LRRC7: variants seen among roughly 807,000 people sequenced by gnomAD.
LRRC7 encodes the protein leucine-rich repeat-containing protein 7.
Under a neutral mutation model 175.7 loss-of-function variants are expected in LRRC7, and 23 were observed. The ratio of observed to expected loss-of-function variants is 0.13; its 90% CI spans 0.09 to 0.19. The LOEUF (loss-of-function observed/expected upper bound fraction) is 0.19. Among genes scored for constraint, LRRC7 ranks in the 10% least tolerant of loss-of-function variants. The pLI is 1.00. For missense variants in LRRC7, 1,354 were observed against 1,904.7 expected (o/e 0.71, Z 5.38); for synonymous variants, 685 against 680.9 (o/e 1.01, Z -0.09).
At chr1:69,742,415 G>A (rs1668812402) in intron 2 of LRRC7, among the ~76,000 whole-genome samples, 2 of 151,650 alleles carry the variant, frequency 1.3e-5, no homozygotes, top group Admixed American at 1.3e-4. Context: ...AATTTTAGTG[G>A]CAAACATTTT....
chr1:69,676,391 A>G (rs1659777981), intron 1 of LRRC7, among the ~76,000 whole-genome samples: 1 of 152,124 alleles, frequency 6.6e-6, no homozygotes, highest in African/African-American at 2.4e-5. Context: ...GAGGATAATC[A>G]TATAGATATT....
At chr1:69,816,641 T>C (rs1678633906) in intron 4 of LRRC7, among the ~76,000 whole-genome samples, 1 of 152,208 alleles carries the variant, frequency 6.6e-6, no homozygotes, top group African/African-American at 2.4e-5. Flanking sequence ...AGAATGTAAA[T>C]ATTTAACTTC....
intron 8 of LRRC7, among the ~76,000 whole-genome samples, chr1:69,970,495 G>A (rs931194880): frequency 6.6e-6 from 1 of 152,072 alleles, no homozygotes; most frequent in Non-Finnish European, 1.5e-5. Flanking sequence ...AGGCTAATAC[G>A]AATGACTTTA....
rs75151782 is a variant in LRRC7 at position 69,945,088 on chromosome 1, C to T, written c.711+13518C>T. On this transcript the variant is annotated intron_variant, in intron 8 of 26. Transcript: ENST00000651989. ...TCCAAAGAGTCTTTGCCAAGAACAA[C>T]GCCAAGAAACTTTTTTCTGTATTTT... is the stretch of plus-strand genomic sequence containing the variant. Among the ~76,000 whole-genome samples the T allele has an allele frequency of 8.4e-3, 1,284 of 152,140 alleles. 14 individuals carry two copies. The highest frequency in any genetic ancestry group is 0.027 in the African/African-American group (1,133 of 41,542).
At chr1:69,692,252 C>T (rs1661982287) in intron 2 of LRRC7, among the ~76,000 whole-genome samples, 1 of 152,092 alleles carries the variant, frequency 6.6e-6, no homozygotes, top group South Asian at 2.1e-4. Flanking sequence ...GCTACTTATG[C>T]CCAGTTCTCC....
intron 2 of LRRC7, among the ~76,000 whole-genome samples, chr1:69,690,282 G>A (rs751325155): frequency 1.2e-4 from 19 of 152,148 alleles, no homozygotes; most frequent in Admixed American, 2.6e-4. Context: ...AAATGCAAAT[G>A]TCTCTGAGGA....
chr1:70,039,097 A>G lies in LRRC7; in HGVS notation c.3273A>G (p.Gln1091=), dbSNP rs1571133809. The G allele has an allele frequency of 6.2e-7, 1 of 1,614,150 alleles. No homozygotes were observed. Among genetic ancestry groups the G allele is most frequent in the Non-Finnish European group, 8.5e-7 (1 of 1,180,014 alleles). The change falls in exon 21 of 27, where the codon CAA becomes CAG. Residue 1091 remains glutamine, a synonymous_variant. Coordinates refer to ENST00000651989, the MANE Select transcript of LRRC7 (RefSeq NM_001370785.2). ...AAAAGAGGATACCACCCCCTTTTCA[A>G]CACAATCCCGAGTACGTGCAACAGG... ...KAEKRIPPPF[Q]HNPEYVQQAS...
At chr1:69,741,408 A>G (rs888317991) in intron 2 of LRRC7, among the ~76,000 whole-genome samples, 4 of 151,856 alleles carry the variant, frequency 2.6e-5, no homozygotes, top group African/African-American at 9.7e-5. Flanking sequence ...GGTGACATGT[A>G]ATCTAAGACG....
At chr1:69,990,117 A>G (rs924447562) in intron 10 of LRRC7, among the ~76,000 whole-genome samples, 1 of 152,084 alleles carries the variant, frequency 6.6e-6, no homozygotes, top group Non-Finnish European at 1.5e-5. Context: ...CTTTACTCAG[A>G]AAACAAAAAC....
chr1:69,712,675 A>C (rs1348799738), intron 2 of LRRC7, among the ~76,000 whole-genome samples: 1 of 152,192 alleles, frequency 6.6e-6, no homozygotes, highest in Non-Finnish European at 1.5e-5. Context: ...TATAACAAAA[A>C]GTTATTTTTA....
chr1:69,770,408 G>T lies in LRRC7; in HGVS notation c.303+10015G>T, dbSNP rs535526726. ...AGGACACTTATTTATTTTGTGTGAG[G>T]TCTAATGAGATCAAAGGAGCCATGG... is the stretch of plus-strand genomic sequence containing the variant. On this transcript the variant is annotated intron_variant, in intron 3 of 26. Coordinates refer to ENST00000651989, the MANE Select transcript of LRRC7 (RefSeq NM_001370785.2). Among the ~76,000 whole-genome samples, 4 of 152,170 alleles carry T rather than the reference G, an allele frequency of 2.6e-5. No individual in the cohort carries two copies. The South Asian group carries it at 6.2e-4, about 24-fold the overall frequency.
chr1:69,992,739 A>C (rs1451722365), intron 10 of LRRC7, among the ~76,000 whole-genome samples: 1 of 152,170 alleles, frequency 6.6e-6, no homozygotes, highest in African/African-American at 2.4e-5. Flanking sequence ...AAAAAGATGC[A>C]CTTAACAAAA....
At chr1:69,702,801 A>G (rs2100702040) in intron 2 of LRRC7, among the ~76,000 whole-genome samples, 1 of 152,254 alleles carries the variant, frequency 6.6e-6, no homozygotes. Context: ...AATATATTTG[A>G]TGAGATGTGA....
chr1:70,005,026 T>C (rs941756857), intron 11 of LRRC7, among the ~76,000 whole-genome samples: 11 of 144,744 alleles, frequency 7.6e-5, no homozygotes, highest in African/African-American at 2.4e-4. Flanking sequence ...TCAAGATTCG[T>C]TTTTTTTTTT....
At chr1:70,075,420 G>T (rs144609293) in intron 23 of LRRC7, among the ~76,000 whole-genome samples, 5 of 152,248 alleles carry the variant, frequency 3.3e-5, no homozygotes, top group Non-Finnish European at 5.9e-5. Flanking sequence ...ATTCAGAAAT[G>T]ATCATTATCG....
intron 11 of LRRC7, among the ~76,000 whole-genome samples, chr1:70,011,170 A>G (rs1656468444): frequency 6.6e-6 from 1 of 152,202 alleles, no homozygotes; most frequent in Non-Finnish European, 1.5e-5. Flanking sequence ...GCTAAGAGGC[A>G]GGATAATACA....
chr1:69,595,555 CAT>C (rs1406202974), intron 1 of LRRC7, among the ~76,000 whole-genome samples: 6 of 152,202 alleles, frequency 3.9e-5, no homozygotes, highest in Non-Finnish European at 8.8e-5. Flanking sequence ...CCTAGTAACT[CAT>C]ATATTTTTCA....
chr1:69,736,216 T>C (rs1668103348), intron 2 of LRRC7, among the ~76,000 whole-genome samples: 1 of 152,160 alleles, frequency 6.6e-6, no homozygotes, highest in Non-Finnish European at 1.5e-5. Flanking sequence ...AATGTACTTT[T>C]TGAATTCTCA....
At chr1:70,010,656 CT>C (rs920829904) in intron 11 of LRRC7, among the ~76,000 whole-genome samples, 1 of 152,206 alleles carries the variant, frequency 6.6e-6, no homozygotes, top group Non-Finnish European at 1.5e-5. Flanking sequence ...ATCTTCACCC[CT>C]GGGGGTTCCT....
Sources: allele counts gnomAD v4.1 joint callset (sites outside exome capture counted in the v4.1 genomes callset), GRCh38; gene constraint gnomAD v4.1.1; transcripts MANE v1.5; gene names NCBI Gene and HGNC (gene_info 2026-07-23, HGNC 2026-07-21).